The following MYO10 variants were observed in gnomAD, a reference collection of about 807,000 sequenced individuals.
MYO10 encodes unconventional myosin-X.
Under a neutral mutation model 257.3 loss-of-function variants are expected in MYO10, and 133 were observed. The observed-to-expected ratio is 0.52, with a 90% CI of 0.45 to 0.60. The LOEUF (loss-of-function observed/expected upper bound fraction) is 0.60, where lower values mean the gene tolerates loss of function less well. Among genes scored for constraint, MYO10 ranks in the 20% least tolerant of loss-of-function variants. The probability of loss-of-function intolerance (pLI) is 0.00; values close to 1 mark genes in which losing one functional copy is unlikely to be tolerated. For synonymous variants in MYO10, 1,104 were observed against 1,028.6 expected, an observed-to-expected ratio of 1.07 and a Z score of -1.40; for missense variants, 2,399 against 2,635.7, an observed-to-expected ratio of 0.91 and a Z score of 1.97.
At chr5:16,885,955 G>A (rs1280470614) in intron 1 of MYO10, among the ~76,000 whole-genome samples, 2 of 152,150 alleles carry the variant, frequency 1.3e-5, no homozygotes, top group Admixed American at 1.3e-4. Flanking sequence ...GGCCTTCATA[G>A]GTCCTTGCCA....
At chr5:16,886,595 A>G (rs142883181) in intron 1 of MYO10, among the ~76,000 whole-genome samples, 3 of 150,480 alleles carry the variant, frequency 2.0e-5, no homozygotes, top group Non-Finnish European at 4.5e-5. Context: ...CATCATCGTC[A>G]TCATCATTTC....
intron 19 of MYO10, among the ~76,000 whole-genome samples, chr5:16,723,886 T>C (rs772746936): frequency 1.9e-4 from 29 of 152,204 alleles, no homozygotes; most frequent in Non-Finnish European, 2.9e-4. Context: ...TCCAATTATA[T>C]GACATCCAGA....
chr5:16,899,594 A>G (rs1251317990), intron 1 of MYO10, among the ~76,000 whole-genome samples: 1 of 150,506 alleles, frequency 6.6e-6, no homozygotes, highest in Admixed American at 6.7e-5. Context: ...ATCATGCCAC[A>G]GCAGGCCTGG....
At chr5:16,749,390 G>A (rs566421885) in intron 19 of MYO10, among the ~76,000 whole-genome samples, 1 of 151,968 alleles carries the variant, frequency 6.6e-6, no homozygotes, top group South Asian at 2.1e-4. Context: ...GGAAGGCTGA[G>A]GCAGGAGAAT....
At chr5:16,696,892 G>A (rs997478713) in intron 26 of MYO10, among the ~76,000 whole-genome samples, 3 of 151,144 alleles carry the variant, frequency 2.0e-5, no homozygotes, top group Admixed American at 6.6e-5. Context: ...CATACATTAA[G>A]AGGAATATTG....
intron 35 of MYO10, 77 bp downstream of exon 35, chr5:16,674,776 T>C: frequency 2.0e-6 from 3 of 1,525,000 alleles, no homozygotes; most frequent in Non-Finnish European, 2.7e-6. Flanking sequence ...AAAAGCCTCT[T>C]TATCTGAACG....
intron 2 of MYO10, among the ~76,000 whole-genome samples, chr5:16,873,986 A>G (rs1744520077): frequency 6.6e-6 from 1 of 152,168 alleles, no homozygotes; most frequent in South Asian, 2.1e-4. Context: ...GATTAACATT[A>G]GGCTCCTTGC....
chr5:16,802,426 A>G (rs542370854), intron 3 of MYO10, among the ~76,000 whole-genome samples: 24 of 152,078 alleles, frequency 1.6e-4, no homozygotes, highest in Non-Finnish European at 2.6e-4. Flanking sequence ...TGGGATGCTG[A>G]GGCGGGTGGA....
Position 16,770,186 on chromosome 5 carries a change from C to T in MYO10, c.931-983G>A, listed in dbSNP as rs1014833127. On this transcript the variant is annotated intron_variant, in intron 9 of 40. Transcript: ENST00000513610. ...GTTCAAGGTTACGGTGAGCTATGAT[C>T]GCATGTGTACTCCAGCCTGGGAGCC... 2.0e-5 allele frequency among the ~76,000 whole-genome samples: 3 copies of T among 152,004 alleles called. No individual in the cohort carries two copies. The South Asian group carries it at 6.2e-4, about 32-fold the overall frequency.
At chr5:16,669,719 A>G (rs1385942671) in intron 39 of MYO10, among the ~76,000 whole-genome samples, 1 of 152,220 alleles carries the variant, frequency 6.6e-6, no homozygotes. Flanking sequence ...AGAATTTATA[A>G]TATTTAGAAT....
intron 2 of MYO10, among the ~76,000 whole-genome samples, chr5:16,852,215 A>G (rs1045917368): frequency 6.7e-6 from 1 of 148,180 alleles, no homozygotes; most frequent in Non-Finnish European, 1.5e-5. Context: ...AAAGGACAAT[A>G]TACAATTGAG....
chr5:16,805,161 A>G (rs185438780), intron 3 of MYO10, among the ~76,000 whole-genome samples: 1 of 152,138 alleles, frequency 6.6e-6, no homozygotes, highest in East Asian at 2.0e-4. Context: ...AAGCAAAGAT[A>G]AAGTGTGGTA....
chr5:16,686,495 A>T (rs1242514896), intron 28 of MYO10, among the ~76,000 whole-genome samples: 2 of 152,028 alleles, frequency 1.3e-5, no homozygotes, highest in African/African-American at 2.4e-5. Flanking sequence ...GGGATACTCA[A>T]CATGTAATGG....
chr5:16,788,457 C>G (rs1257852905), intron 4 of MYO10, among the ~76,000 whole-genome samples: 1 of 152,128 alleles, frequency 6.6e-6, no homozygotes, highest in African/African-American at 2.4e-5. Context: ...AGAATCACTT[C>G]CAGATCTCAG....
chr5:16,845,033 A>G (rs1168799913), intron 2 of MYO10, among the ~76,000 whole-genome samples: 1 of 152,240 alleles, frequency 6.6e-6, no homozygotes, highest in Non-Finnish European at 1.5e-5. Flanking sequence ...AAAGCCTACA[A>G]TTGACACTTT....
intron 15 of MYO10, 139 bp from the exon 16 acceptor site, chr5:16,762,252 C>T: frequency 8.8e-7 from 1 of 1,130,084 alleles, no homozygotes. Flanking sequence ...CGTTTCAGGA[C>T]ACGGCATATG....
At chr5:16,682,258 C>A (rs908319156) in intron 30 of MYO10, among the ~76,000 whole-genome samples, 3 of 152,194 alleles carry the variant, frequency 2.0e-5, no homozygotes, top group African/African-American at 7.2e-5. Flanking sequence ...AACATTTCTT[C>A]ATGCAAAACT....
At chr5:16,715,392 A>ATTTTTTTTTTTTTTTT (rs372307063) in intron 19 of MYO10, among the ~76,000 whole-genome samples, 4 of 84,340 alleles carry the variant, frequency 4.7e-5, no homozygotes, top group Non-Finnish European at 6.3e-5. Flanking sequence ...TAAGATTGAA[A>ATTTTTTTTTTTTTTTT]TTTTTTTTTT....
Position 16,702,909 on chromosome 5 carries a change from A to C in MYO10, c.2510+16T>G. The C allele has an allele frequency of 1.3e-6, 2 of 1,546,378 alleles. No homozygotes were observed. Among genetic ancestry groups the C allele is most frequent in the East Asian group, 4.9e-5 (2 of 40,894 alleles). ...ATGTATCCATTTGTTTCATCCCAGCAAGAAAGGTACTGTACCTTTCTTCTT... is the reference window on the plus strand; with the variant it reads ...ATGTATCCATTTGTTTCATCCCAGCCAGAAAGGTACTGTACCTTTCTTCTT... On this transcript the variant is annotated intron_variant, in intron 23 of 40. Transcript: ENST00000513610.
Sources: allele counts gnomAD v4.1 joint callset (sites outside exome capture counted in the v4.1 genomes callset), GRCh38; gene constraint gnomAD v4.1.1; transcripts MANE v1.5; gene names NCBI Gene and HGNC (gene_info 2026-07-23, HGNC 2026-07-21).